The following RNGTT variants were observed in gnomAD, a reference collection of about 807,000 sequenced individuals.
The protein encoded by RNGTT is RNA guanylyltransferase and 5'-phosphatase.
Under a neutral mutation model 79.3 loss-of-function variants are expected in RNGTT, and 33 were observed. The observed-to-expected ratio is 0.42, with a 90% CI of 0.32 to 0.56. The LOEUF (loss-of-function observed/expected upper bound fraction) is 0.56, where lower values mean the gene tolerates loss of function less well. Ranked by LOEUF, RNGTT falls within the 20% of genes least tolerant of loss-of-function variation. The pLI, the probability that RNGTT is intolerant of heterozygous loss-of-function variation, is 0.17. For missense variants in RNGTT, 497 were observed against 739.1 expected, an observed-to-expected ratio of 0.67 and a Z score of 3.80; for synonymous variants, 222 against 235.9, an observed-to-expected ratio of 0.94 and a Z score of 0.54.
At chr6:88,852,830 T>G (rs1781716770) in intron 9 of RNGTT, among the ~76,000 whole-genome samples, 1 of 152,146 alleles carries the variant, frequency 6.6e-6, no homozygotes, top group Non-Finnish European at 1.5e-5. Flanking sequence ...AACAAGCAAT[T>G]TTTTAACCCT....
chr6:88,942,737 G>A lies in RNGTT; in HGVS notation c.65-1557C>T, dbSNP rs186725889. ...GTGAAGTCTTAACATCTGTCCAAAG[G>A]CTTTAAGCTAAATTTCATGAAAAAA... On this transcript the variant is annotated intron_variant, in intron 1 of 15. Transcript: ENST00000369485. 5.3e-5 allele frequency among the ~76,000 whole-genome samples: 8 copies of A among 152,130 alleles called. No individual in the cohort carries two copies. The East Asian group carries it at 1.5e-3, about 29-fold the overall frequency.
At chr6:88,946,812 G>A (rs986054748) in intron 1 of RNGTT, among the ~76,000 whole-genome samples, 156 of 143,900 alleles carry the variant, frequency 1.1e-3, no homozygotes, top group African/African-American at 3.7e-3. Context: ...GCGCCGCCAC[G>A]CCTGACTGGT....
At position 88,883,170 on chromosome 6, in the gene RNGTT, CAAA is replaced by C. The variant is rs976114373; in HGVS notation, c.896+7322_896+7324del. Among the ~76,000 whole-genome samples, 313 of 68,882 alleles carry C rather than the reference CAAA, an allele frequency of 4.5e-3. 2 individuals carry two copies. Among genetic ancestry groups the C allele is most frequent in the Middle Eastern group, 0.031 (4 of 128 alleles). 45.2% of individuals were successfully genotyped at this position (68,882 alleles called of 152,430 possible). On this transcript the variant is annotated intron_variant, in intron 8 of 15. Transcript: ENST00000369485. ...AGGAAGGAGCCCAGACTCTTTATGA[CAAA>C]AAAAAAAAAAAAAAAAAAAAAATCG...
At chr6:88,844,616 T>TA in intron 10 of RNGTT, 95 bp from the exon 11 acceptor site, 1 of 1,160,616 alleles carries the variant, frequency 8.6e-7, no homozygotes, top group Non-Finnish European at 1.2e-6. Flanking sequence ...ATAGTCTGTG[T>TA]AAACAGCATC....
chr6:88,805,769 G>C (rs1010956670), intron 11 of RNGTT, among the ~76,000 whole-genome samples: 4 of 152,152 alleles, frequency 2.6e-5, no homozygotes, highest in African/African-American at 9.7e-5. Context: ...AGAAACAGTT[G>C]TTTACATATG....
chr6:88,895,240 T>TGC (rs978320265), intron 6 of RNGTT, among the ~76,000 whole-genome samples: 3 of 142,240 alleles, frequency 2.1e-5, no homozygotes, highest in Admixed American at 1.4e-4. Flanking sequence ...TGTGTGTGTG[T>TGC]GTGTGTGTGT....
At chr6:88,942,412 C>T (rs536800396) in intron 1 of RNGTT, among the ~76,000 whole-genome samples, 22 of 151,752 alleles carry the variant, frequency 1.4e-4, no homozygotes, top group Non-Finnish European at 2.1e-4. Context: ...CACTCTGTTG[C>T]CCAGGCTGGA....
chr6:88,625,996 G>C (rs1772617538), intron 14 of RNGTT, among the ~76,000 whole-genome samples: 1 of 151,924 alleles, frequency 6.6e-6, no homozygotes, highest in Admixed American at 6.6e-5. Flanking sequence ...ACTAGATGTA[G>C]AGTACTGTTC....
At chr6:88,883,818 GGCAAAAAAACATGA>G (rs1782771304) in intron 8 of RNGTT, among the ~76,000 whole-genome samples, 1 of 151,912 alleles carries the variant, frequency 6.6e-6, no homozygotes, top group Non-Finnish European at 1.5e-5. Context: ...AATTTTGTAT[GGCAAAAAAACATGA>G]ACAAAGTCAA....
intron 13 of RNGTT, among the ~76,000 whole-genome samples, chr6:88,739,704 G>A (rs1360494602): frequency 7.8e-5 from 8 of 102,734 alleles, no homozygotes; most frequent in Non-Finnish European, 1.3e-4. Flanking sequence ...TATTTCTCCC[G>A]TGTAACTGGT....
intron 1 of RNGTT, among the ~76,000 whole-genome samples, chr6:88,956,995 C>T (rs151007901): frequency 9.3e-4 from 141 of 152,042 alleles, no homozygotes; most frequent in African/African-American, 3.3e-3. Flanking sequence ...ATGGTGCCAC[C>T]GCACTCCAGA....
rs569577939 is a variant in RNGTT at position 88,810,526 on chromosome 6, C to G, written c.1270-8894G>C. 2.6e-5 allele frequency among the ~76,000 whole-genome samples: 4 copies of G among 152,218 alleles called. No homozygotes were observed. The East Asian group carries it at 7.7e-4, about 29-fold the overall frequency. On this transcript the variant is annotated intron_variant, in intron 11 of 15. Coordinates refer to ENST00000369485, the MANE Select transcript of RNGTT (RefSeq NM_003800.5). ...CTTTGAGAGAAGAGTCTGTCAGGCA[C>G]AGTCTCCATGAAAAAAAGGAGTTAG...
intron 8 of RNGTT, among the ~76,000 whole-genome samples, chr6:88,889,802 T>C (rs1782982553): frequency 6.6e-6 from 1 of 151,962 alleles, no homozygotes; most frequent in African/African-American, 2.4e-5. Flanking sequence ...TTACAAAAAA[T>C]TTAAAAAATA....
intron 1 of RNGTT, among the ~76,000 whole-genome samples, chr6:88,950,409 A>G (rs960048783): frequency 7.2e-5 from 11 of 152,220 alleles, no homozygotes; most frequent in South Asian, 2.1e-4. Context: ...TATTTAAGAA[A>G]TACATTTCAT....
chr6:88,958,458 C>T (rs1347363081), intron 1 of RNGTT, among the ~76,000 whole-genome samples: 1 of 152,072 alleles, frequency 6.6e-6, no homozygotes, highest in Non-Finnish European at 1.5e-5. Context: ...AGAAAATCTT[C>T]GCAAACTATG....
intron 13 of RNGTT, among the ~76,000 whole-genome samples, chr6:88,715,840 T>C (rs148728841): frequency 0.13 from 19,184 of 152,210 alleles, 4,013 homozygotes; most frequent in African/African-American, 0.43. Context: ...GACTTACATG[T>C]TAGACCTGAA....
At chr6:88,623,483 C>T (rs1370274775) in intron 14 of RNGTT, among the ~76,000 whole-genome samples, 2 of 151,986 alleles carry the variant, frequency 1.3e-5, no homozygotes, top group East Asian at 1.9e-4. Flanking sequence ...TCCTCCTGAT[C>T]CCTTCCTCTT....
intron 12 of RNGTT, among the ~76,000 whole-genome samples, chr6:88,796,250 A>T (rs1779597476): frequency 6.6e-6 from 1 of 152,210 alleles, no homozygotes; most frequent in Admixed American, 6.5e-5. Flanking sequence ...AACTAGAAAC[A>T]TTTAAAGTAT....
intron 14 of RNGTT, among the ~76,000 whole-genome samples, chr6:88,642,498 T>C (rs771248769): frequency 2.0e-5 from 3 of 152,204 alleles, no homozygotes; most frequent in Non-Finnish European, 2.9e-5. Context: ...CAGTCTGACA[T>C]TTCTATAGAG....
Sources: gnomAD v4.1 joint callset for allele counts (sites outside exome capture counted in the v4.1 genomes callset) on GRCh38, gnomAD v4.1.1 for gene constraint, MANE v1.5 for transcripts, NCBI Gene and HGNC (gene_info 2026-07-23, HGNC 2026-07-21) for gene names.